Variants in SMYD3 observed in about 807,000 individuals in gnomAD.
SMYD3 encodes histone-lysine N-methyltransferase SMYD3.
A neutral mutation model predicts 57.7 loss-of-function variants in SMYD3; 36 were observed. The observed-to-expected ratio is 0.62, with a 90% CI of 0.48 to 0.82. The LOEUF (loss-of-function observed/expected upper bound fraction) is 0.82, where lower values mean the gene tolerates loss of function less well. SMYD3 is among the 40% of genes least tolerant of loss of function. The pLI is 0.00. For synonymous variants in SMYD3, 211 were observed against 195.0 expected (o/e 1.08, Z -0.68); for missense variants, 515 against 538.8 (o/e 0.96, Z 0.44).
chr1:246,147,327 G>C (rs930830292), intron 5 of SMYD3, among the ~76,000 whole-genome samples: 1 of 152,182 alleles, frequency 6.6e-6, no homozygotes, highest in African/African-American at 2.4e-5. Flanking sequence ...GGAGCCATAG[G>C]TCCAGCCAGG....
chr1:246,466,006 G>A (rs529161543), intron 1 of SMYD3, among the ~76,000 whole-genome samples: 6 of 152,276 alleles, frequency 3.9e-5, no homozygotes, highest in African/African-American at 1.4e-4. Flanking sequence ...TCCTGGCCTC[G>A]TGTGATCCAC....
chr1:246,144,951 C>A (rs537970528), intron 5 of SMYD3, among the ~76,000 whole-genome samples: 1 of 152,168 alleles, frequency 6.6e-6, no homozygotes, highest in Non-Finnish European at 1.5e-5. Flanking sequence ...ACTTCCCCAC[C>A]GCCTCACGAA....
intron 1 of SMYD3, among the ~76,000 whole-genome samples, chr1:246,408,051 G>A (rs1429528719): frequency 2.0e-5 from 3 of 151,688 alleles, no homozygotes; most frequent in African/African-American, 7.2e-5. Flanking sequence ...CAGCTCCCTT[G>A]GGCCTCTTTT....
At chr1:246,246,407 T>C (rs1288294647) in intron 5 of SMYD3, among the ~76,000 whole-genome samples, 1 of 152,126 alleles carries the variant, frequency 6.6e-6, no homozygotes, top group African/African-American at 2.4e-5. Context: ...AGTAAGTCTA[T>C]TTGAGTAGCT....
At position 245,945,136 on chromosome 1, in the gene SMYD3, A is replaced by G. The variant is rs534765970; in HGVS notation, c.532-15199T>C. On this transcript the variant is annotated intron_variant, in intron 5 of 11. Transcript: ENST00000490107. ...TTGCAACAAAAGCAAAAATGGACAC[A>G]TGGGATCTAATTAAAGAGCTTTCGC... is the stretch of plus-strand genomic sequence containing the variant. 2.0e-5 allele frequency among the ~76,000 whole-genome samples: 3 copies of G among 152,370 alleles called. No individual in the cohort carries two copies. The East Asian group carries it at 5.8e-4, about 29-fold the overall frequency.
chr1:246,201,865 T>G (rs531678698), intron 5 of SMYD3, among the ~76,000 whole-genome samples: 1 of 152,122 alleles, frequency 6.6e-6, no homozygotes, highest in South Asian at 2.1e-4. Flanking sequence ...GTATAAAAAT[T>G]AGCTGGGCGT....
At chr1:246,279,230 G>T (rs2064394928) in intron 5 of SMYD3, among the ~76,000 whole-genome samples, 1 of 152,168 alleles carries the variant, frequency 6.6e-6, no homozygotes, top group African/African-American at 2.4e-5. Context: ...ATGTAAGATT[G>T]TTGAGACCAG....
At position 245,785,682 on chromosome 1, in the gene SMYD3, CGAGCAAGAGAGA is replaced by C. The variant is rs373542816; in HGVS notation, c.1077-21545_1077-21534del. 4.8e-3 allele frequency among the ~76,000 whole-genome samples: 729 copies of C among 151,636 alleles called. 4 individuals carry two copies. The highest frequency in any genetic ancestry group is 0.017 in the African/African-American group (692 of 41,316). ...GAGAGTGCGTGAGAGAGTGAGAAAGCGAGCAAGAGAGAGAGCAAGAGAGAGCGAGAGACAGGC... is the reference window on the plus strand; with the variant it reads ...GAGAGTGCGTGAGAGAGTGAGAAAGCGAGCAAGAGAGAGCGAGAGACAGGC... On this transcript the variant is annotated intron_variant, in intron 10 of 11. Coordinates refer to ENST00000490107, the MANE Select transcript of SMYD3 (RefSeq NM_001167740.2).
chr1:246,314,074 TC>T (rs1251187157), intron 5 of SMYD3, among the ~76,000 whole-genome samples: 2 of 152,182 alleles, frequency 1.3e-5, no homozygotes, highest in African/African-American at 4.8e-5. Flanking sequence ...ACATGAATAA[TC>T]CACCCTCCTC....
intron 5 of SMYD3, among the ~76,000 whole-genome samples, chr1:246,073,547 T>C (rs1301795060): frequency 6.6e-6 from 1 of 151,752 alleles, no homozygotes; most frequent in African/African-American, 2.4e-5. Context: ...CAAAACCCGA[T>C]CTCTACAAAA....
chr1:246,224,494 A>G (rs2063300757), intron 5 of SMYD3, among the ~76,000 whole-genome samples: 1 of 152,120 alleles, frequency 6.6e-6, no homozygotes, highest in African/African-American at 2.4e-5. Flanking sequence ...CTGAAATAGC[A>G]TAAGGGATTC....
intron 1 of SMYD3, among the ~76,000 whole-genome samples, chr1:246,480,957 C>A (rs749548503): frequency 2.6e-5 from 4 of 151,994 alleles, no homozygotes; most frequent in Non-Finnish European, 4.4e-5. Flanking sequence ...TGCCACCACA[C>A]CCAGCTAATT....
intron 10 of SMYD3, among the ~76,000 whole-genome samples, chr1:245,767,345 G>A (rs897650865): frequency 4.3e-4 from 65 of 152,270 alleles, no homozygotes; most frequent in Non-Finnish European, 1.0e-4. Flanking sequence ...TCCGGGTCCG[G>A]CCCCATAAGC....
chr1:246,190,584 CAAAAAAAAAAAA>C (rs11302731), intron 5 of SMYD3, among the ~76,000 whole-genome samples: 7 of 63,008 alleles, frequency 1.1e-4, no homozygotes, highest in Non-Finnish European at 1.7e-4. Flanking sequence ...GACTCTGTCT[CAAAAAAAAAAAA>C]AAAAAAAAAA....
rs555020764 is a variant in SMYD3 at position 246,494,432 on chromosome 1, A to C, written c.164+12622T>G. Among the ~76,000 whole-genome samples the C allele has an allele frequency of 2.0e-5, 3 of 152,302 alleles. No individual in the cohort carries two copies. In the South Asian group the frequency reaches 6.2e-4, roughly 32 times the overall value. Reference sequence around the variant, plus strand: ...AGCATTACCTGTGAAGCTTTAAACAATTATGGGACCCTTAAGGATGTTGCT... The same window carrying C: ...AGCATTACCTGTGAAGCTTTAAACACTTATGGGACCCTTAAGGATGTTGCT... On this transcript the variant is annotated intron_variant, in intron 1 of 11. Coordinates refer to ENST00000490107, the MANE Select transcript of SMYD3 (RefSeq NM_001167740.2).
At chr1:246,400,734 T>C (rs1310511780) in intron 1 of SMYD3, among the ~76,000 whole-genome samples, 1 of 152,038 alleles carries the variant, frequency 6.6e-6, no homozygotes, top group Non-Finnish European at 1.5e-5. Flanking sequence ...GATATTTTTC[T>C]AAGAGAAAAC....
intron 5 of SMYD3, among the ~76,000 whole-genome samples, chr1:246,117,608 T>TC (rs1247690053): frequency 6.6e-6 from 1 of 152,216 alleles, no homozygotes; most frequent in East Asian, 1.9e-4. Flanking sequence ...ACCCCAGTGC[T>TC]CGCTCTTGCG....
At chr1:245,889,760 C>A (rs910443871) in intron 8 of SMYD3, among the ~76,000 whole-genome samples, 2 of 152,158 alleles carry the variant, frequency 1.3e-5, no homozygotes, top group African/African-American at 4.8e-5. Flanking sequence ...TATGGAACCA[C>A]AAAAGGTCCA....
intron 10 of SMYD3, among the ~76,000 whole-genome samples, chr1:245,851,453 G>A (rs2050971260): frequency 1.3e-5 from 2 of 152,272 alleles, no homozygotes; most frequent in South Asian, 4.1e-4. Flanking sequence ...TAGAGAAGAT[G>A]GGCAGGCTTC....
Sources: gnomAD v4.1 joint callset for allele counts (sites outside exome capture counted in the v4.1 genomes callset) on GRCh38, gnomAD v4.1.1 for gene constraint, MANE v1.5 for transcripts, NCBI Gene and HGNC (gene_info 2026-07-23, HGNC 2026-07-21) for gene names.